CNGA3: variants seen among roughly 807,000 people sequenced by gnomAD.
The protein encoded by CNGA3 is cyclic nucleotide-gated channel alpha-3.
Under a neutral mutation model 46.6 loss-of-function variants are expected in CNGA3, and 42 were observed. That is an observed-to-expected ratio of 0.90 (90% CI 0.70 to 1.17). The LOEUF (loss-of-function observed/expected upper bound fraction) is 1.17. Among genes scored for constraint, CNGA3 ranks in the 50% most tolerant of loss-of-function variants. The pLI, the probability that CNGA3 is intolerant of heterozygous loss-of-function variation, is 0.00. For synonymous variants in CNGA3, 394 were observed against 369.4 expected (o/e 1.07, Z -0.76); for missense variants, 893 against 890.7 (o/e 1.00, Z -0.03).
At chr2:98,361,856 C>T (rs1250124002) in intron 1 of CNGA3, among the ~76,000 whole-genome samples, 5 of 151,490 alleles carry the variant, frequency 3.3e-5, no homozygotes, top group African/African-American at 7.3e-5. Flanking sequence ...TACAGGCGCC[C>T]GCCACCACCC....
intron 7 of CNGA3, among the ~76,000 whole-genome samples, chr2:98,395,357 A>G (rs1381343583): frequency 6.6e-6 from 1 of 152,000 alleles, no homozygotes; most frequent in Admixed American, 6.6e-5. Context: ...TTTAGTAGAG[A>G]CAGGGTTTCA....
chr2:98,364,502 T>C (rs568049512), intron 1 of CNGA3, among the ~76,000 whole-genome samples: 1 of 152,362 alleles, frequency 6.6e-6, no homozygotes, highest in South Asian at 2.1e-4. Flanking sequence ...TTGAGCCCAT[T>C]TGTGTCTTTG....
chr2:98,392,064 A>G, intron 7 of CNGA3, 94 bp downstream of exon 7: 1 of 1,130,016 alleles, frequency 8.8e-7, no homozygotes, highest in African/African-American at 1.5e-5. Context: ...CCTACCCTTG[A>G]CCATGAGAGG....
Position 98,364,954 on chromosome 2 carries a change from CTTGTA to C in CNGA3, c.-37-4984_-37-4980del, listed in dbSNP as rs568338442. Among the ~76,000 whole-genome samples the C allele has an allele frequency of 6.5e-3, 990 of 152,094 alleles. 9 individuals are homozygous for C. The highest frequency in any genetic ancestry group is 0.022 in the African/African-American group (922 of 41,474). On this transcript the variant is annotated intron_variant, in intron 1 of 7. Transcript: ENST00000272602. ...AATATTGGCCTCCAATCTCTTCTGGCTTGTAGGGTTTCTGGGGAGAGGTCCACTGT... is the reference window on the plus strand; with the variant it reads ...AATATTGGCCTCCAATCTCTTCTGGCGGGTTTCTGGGGAGAGGTCCACTGT...
At chr2:98,378,568 C>A (rs1692466313) in intron 3 of CNGA3, among the ~76,000 whole-genome samples, 1 of 152,184 alleles carries the variant, frequency 6.6e-6, no homozygotes, top group African/African-American at 2.4e-5. Flanking sequence ...TCTATTTATT[C>A]TTCATGCTTT....
At chr2:98,347,840 C>G (rs1691674813) in intron 1 of CNGA3, among the ~76,000 whole-genome samples, 1 of 152,186 alleles carries the variant, frequency 6.6e-6, no homozygotes. Context: ...ATGCACTGTC[C>G]GCCACCCCCT....
intron 2 of CNGA3, among the ~76,000 whole-genome samples, chr2:98,371,508 G>T (rs986423983): frequency 1.3e-5 from 2 of 152,160 alleles, no homozygotes; most frequent in Non-Finnish European, 2.9e-5. Flanking sequence ...CACCTTCTGA[G>T]ATTTCGGCAA....
chr2:98,385,770 A>C (rs1692640721), intron 5 of CNGA3, among the ~76,000 whole-genome samples: 1 of 152,196 alleles, frequency 6.6e-6, no homozygotes, highest in Admixed American at 6.5e-5. Context: ...GAAGCATAGC[A>C]GCTTCTGCTT....
At position 98,378,211 on chromosome 2, in the gene CNGA3, AC is replaced by A. The variant is rs960121046; in HGVS notation, c.215+415del. On this transcript the variant is annotated intron_variant, in intron 3 of 7. Transcript: ENST00000272602. Reference sequence around the variant, plus strand: ...CAGGGTCTCCCGGGTGCTCGTCTGGACCCCAGGGCAGGTAGGTGTCCTTGCA... The same window carrying A: ...CAGGGTCTCCCGGGTGCTCGTCTGGACCCAGGGCAGGTAGGTGTCCTTGCA... The A allele has an allele frequency of 6.5e-6, 10 of 1,546,812 alleles. No individual in the cohort carries two copies. In the African/African-American group the frequency reaches 6.9e-5, roughly 11 times the overall value.
At chr2:98,378,705 G>A (rs1047075768) in intron 3 of CNGA3, among the ~76,000 whole-genome samples, 2 of 152,192 alleles carry the variant, frequency 1.3e-5, no homozygotes, top group Non-Finnish European at 2.9e-5. Context: ...GATGATAAAG[G>A]AAGAAAGAGA....
chr2:98,349,960 G>A (rs548542974), intron 1 of CNGA3, among the ~76,000 whole-genome samples: 1 of 152,262 alleles, frequency 6.6e-6, no homozygotes, highest in South Asian at 2.1e-4. Context: ...CAGTAGCTGG[G>A]GGAGACAGTG....
At chr2:98,354,486 C>A (rs1255264654) in intron 1 of CNGA3, among the ~76,000 whole-genome samples, 1 of 152,166 alleles carries the variant, frequency 6.6e-6, no homozygotes, top group Admixed American at 6.5e-5. Flanking sequence ...TTCTTTATAT[C>A]TTGTGGATAT....
At chr2:98,382,520 G>C (rs78303077) in intron 4 of CNGA3, among the ~76,000 whole-genome samples, 6,167 of 152,308 alleles carry the variant, frequency 0.04, 176 homozygotes, top group Middle Eastern at 0.068. Context: ...TGGACATCAA[G>C]CATCGTGGAA....
rs776518761 is a variant in CNGA3, at chr2:98,397,266, T to C, written c.*11T>C. ...GACAAACAACAGTGAAAATGCAGCATCTGTCTCCTGCTTCACAGGGTCGAC... is the reference window on the plus strand; with the variant it reads ...GACAAACAACAGTGAAAATGCAGCACCTGTCTCCTGCTTCACAGGGTCGAC... On this transcript the variant is annotated 3_prime_UTR_variant, in exon 8 of 8. Transcript: ENST00000272602. 8.1e-6 allele frequency: 13 copies of C among 1,612,820 alleles called. No individual in the cohort carries two copies. The African/African-American group carries it at 1.7e-4, about 22-fold the overall frequency.
chr2:98,392,700 T>C (rs1379105583), intron 7 of CNGA3, among the ~76,000 whole-genome samples: 1 of 152,130 alleles, frequency 6.6e-6, no homozygotes, highest in Admixed American at 6.5e-5. Context: ...TCAGTCAATC[T>C]TGGAGTTTCT....
At chr2:98,382,511 G>A (rs1254662177) in intron 4 of CNGA3, among the ~76,000 whole-genome samples, 1 of 152,182 alleles carries the variant, frequency 6.6e-6, no homozygotes, top group Admixed American at 6.5e-5. Flanking sequence ...TTATTTGGCT[G>A]GACATCAAGC....
At chr2:98,386,860 A>G (rs939342095) in intron 5 of CNGA3, among the ~76,000 whole-genome samples, 1 of 152,188 alleles carries the variant, frequency 6.6e-6, no homozygotes, top group African/African-American at 2.4e-5. Flanking sequence ...TCAGCCCCAC[A>G]ATCGCAAGAA....
chr2:98,381,386 G>A (rs1487913181), intron 4 of CNGA3, among the ~76,000 whole-genome samples: 2 of 152,188 alleles, frequency 1.3e-5, no homozygotes, highest in African/African-American at 4.8e-5. Flanking sequence ...GTATGTCAAT[G>A]AGGAGAAGAT....
chr2:98,386,833 G>A (rs1692663640), intron 5 of CNGA3, among the ~76,000 whole-genome samples: 1 of 152,178 alleles, frequency 6.6e-6, no homozygotes, highest in Non-Finnish European at 1.5e-5. Flanking sequence ...GGTGCAGCCA[G>A]CAGGGAAACA....
Sources: allele counts gnomAD v4.1 joint callset (sites outside exome capture counted in the v4.1 genomes callset), GRCh38; gene constraint gnomAD v4.1.1; transcripts MANE v1.5; gene names NCBI Gene and HGNC (gene_info 2026-07-23, HGNC 2026-07-21).